TMEM117: variants seen among roughly 807,000 people sequenced by gnomAD.
The protein encoded by TMEM117 is transmembrane protein 117.
TMEM117 carries 27 observed loss-of-function variants against 52.4 expected under a neutral mutation model. The ratio of observed to expected loss-of-function variants is 0.51; its 90% CI spans 0.38 to 0.71. The LOEUF is 0.71. Among genes scored for constraint, TMEM117 ranks in the 30% least tolerant of loss-of-function variants. The probability of loss-of-function intolerance (pLI) is 0.00; values close to 1 mark genes in which losing one functional copy is unlikely to be tolerated. For synonymous variants in TMEM117, 215 were observed against 206.3 expected, an observed-to-expected ratio of 1.04 and a Z score of -0.36; for missense variants, 556 against 630.5, an observed-to-expected ratio of 0.88 and a Z score of 1.26.
At chr12:43,881,942 A>G (rs545807505) in intron 2 of TMEM117, among the ~76,000 whole-genome samples, 58 of 146,742 alleles carry the variant, frequency 4.0e-4, no homozygotes, top group Middle Eastern at 3.9e-3. Flanking sequence ...CGTGGTGGCA[A>G]GCGCCTGTAG....
At chr12:43,973,957 T>C (rs1945632014) in intron 3 of TMEM117, among the ~76,000 whole-genome samples, 1 of 152,210 alleles carries the variant, frequency 6.6e-6, no homozygotes, top group African/African-American at 2.4e-5. Flanking sequence ...TTTTGTATCT[T>C]TTTTGTCAGT....
chr12:44,165,178 G>A (rs1376565690), intron 4 of TMEM117, among the ~76,000 whole-genome samples: 1 of 152,028 alleles, frequency 6.6e-6, no homozygotes, highest in Non-Finnish European at 1.5e-5. Flanking sequence ...TGACAATATG[G>A]TGTGAACACA....
intron 3 of TMEM117, among the ~76,000 whole-genome samples, chr12:43,977,370 A>G (rs1303740240): frequency 2.6e-5 from 4 of 152,040 alleles, no homozygotes; most frequent in Non-Finnish European, 5.9e-5. Context: ...TCCTAGCCAC[A>G]CCATGGTATG....
At chr12:43,934,757 A>G (rs868813733) in intron 2 of TMEM117, among the ~76,000 whole-genome samples, 47 of 152,192 alleles carry the variant, frequency 3.1e-4, no homozygotes, top group African/African-American at 1.0e-3. Context: ...GATGATAACC[A>G]TCTGCTCAAT....
chr12:44,209,575 A>C (rs934243838), intron 4 of TMEM117, among the ~76,000 whole-genome samples: 1 of 152,116 alleles, frequency 6.6e-6, no homozygotes, highest in Admixed American at 6.6e-5. Flanking sequence ...TTATATTAAA[A>C]CCATGCATGA....
At chr12:43,945,086 G>C (rs1945108988) in intron 3 of TMEM117, among the ~76,000 whole-genome samples, 1 of 108,306 alleles carries the variant, frequency 9.2e-6, no homozygotes, top group Admixed American at 1.0e-4. Flanking sequence ...ACTCTAGCCT[G>C]GCAACAAAGC....
chr12:44,281,134 TAA>T (rs1051535310), intron 5 of TMEM117, among the ~76,000 whole-genome samples: 23 of 152,344 alleles, frequency 1.5e-4, no homozygotes, highest in African/African-American at 3.1e-4. Context: ...CCTTAGAATT[TAA>T]GAGTGAAATA....
chr12:44,020,326 G>A (rs1345359122), intron 3 of TMEM117, among the ~76,000 whole-genome samples: 2 of 152,124 alleles, frequency 1.3e-5, no homozygotes, highest in South Asian at 2.1e-4. Flanking sequence ...AGTACTACAT[G>A]GGGCAGTGGT....
At chr12:44,224,333 A>T (rs1401787805) in intron 5 of TMEM117, among the ~76,000 whole-genome samples, 1 of 152,182 alleles carries the variant, frequency 6.6e-6, no homozygotes, top group Non-Finnish European at 1.5e-5. Context: ...TCTGCCCAAG[A>T]ACCCAAAATA....
chr12:44,318,771 CAG>C (rs1025897920), intron 6 of TMEM117, among the ~76,000 whole-genome samples: 9 of 152,066 alleles, frequency 5.9e-5, no homozygotes, highest in African/African-American at 2.2e-4. Flanking sequence ...AGGCATGGAG[CAG>C]AGAGGTCTCT....
intron 5 of TMEM117, among the ~76,000 whole-genome samples, chr12:44,223,748 A>C (rs1196249083): frequency 6.6e-6 from 1 of 152,192 alleles, no homozygotes; most frequent in Non-Finnish European, 1.5e-5. Flanking sequence ...TCAGTTAACT[A>C]ACTCAGCCAA....
intron 3 of TMEM117, among the ~76,000 whole-genome samples, chr12:44,025,235 C>G (rs926791838): frequency 6.6e-6 from 1 of 152,140 alleles, no homozygotes; most frequent in Non-Finnish European, 1.5e-5. Flanking sequence ...CACAATGAAA[C>G]AGATGTCAAG....
intron 3 of TMEM117, among the ~76,000 whole-genome samples, chr12:44,061,364 G>A (rs1161614727): frequency 6.6e-6 from 1 of 152,144 alleles, no homozygotes; most frequent in South Asian, 2.1e-4. Flanking sequence ...GGGAGCTGTT[G>A]GAGCTTAGCT....
At chr12:43,971,543 T>C (rs538734464) in intron 3 of TMEM117, among the ~76,000 whole-genome samples, 1 of 152,320 alleles carries the variant, frequency 6.6e-6, no homozygotes, top group African/African-American at 2.4e-5. Context: ...CTCCACGCCT[T>C]CACTGCCTAT....
chr12:44,171,408 A>C (rs1234251345), intron 4 of TMEM117, among the ~76,000 whole-genome samples: 2 of 152,184 alleles, frequency 1.3e-5, no homozygotes, highest in Non-Finnish European at 2.9e-5. Flanking sequence ...AGCATCCATT[A>C]GTGGATCTTA....
chr12:43,983,547 CGTGTGTGTGTGTGTGTGTGTGT>C (rs748259406), intron 3 of TMEM117, among the ~76,000 whole-genome samples: 24 of 110,728 alleles, frequency 2.2e-4, no homozygotes, highest in African/African-American at 6.3e-4. Context: ...TTGCACCAAC[CGTGTGTGTGTGTGTGTGTGTGT>C]GTGTGTGTGT....
intron 3 of TMEM117, among the ~76,000 whole-genome samples, chr12:43,955,883 C>G (rs918493210): frequency 6.6e-6 from 1 of 152,200 alleles, no homozygotes; most frequent in South Asian, 2.1e-4. Context: ...GCTATGATGC[C>G]TTTAAACTTA....
At chr12:44,357,358 A>G (rs1951664326) in intron 6 of TMEM117, among the ~76,000 whole-genome samples, 1 of 152,082 alleles carries the variant, frequency 6.6e-6, no homozygotes, top group Non-Finnish European at 1.5e-5. Flanking sequence ...AGGTATTAGC[A>G]ATTCTCTTTG....
chr12:44,080,662 G>C (rs1947467500), intron 3 of TMEM117, among the ~76,000 whole-genome samples: 1 of 151,978 alleles, frequency 6.6e-6, no homozygotes, highest in Non-Finnish European at 1.5e-5. Flanking sequence ...TGTGAACTAA[G>C]GATGATTTTC....
Sources: allele counts gnomAD v4.1 joint callset (sites outside exome capture counted in the v4.1 genomes callset), GRCh38; gene constraint gnomAD v4.1.1; transcripts MANE v1.5; gene names NCBI Gene and HGNC (gene_info 2026-07-23, HGNC 2026-07-21).